Variants in SGCZ observed in about 807,000 individuals in gnomAD.
The protein encoded by SGCZ is zeta-sarcoglycan.
In SGCZ, 40 loss-of-function variants were observed where a neutral mutation model predicts 41.3. The observed-to-expected ratio is 0.97, with a 90% CI of 0.75 to 1.26. The LOEUF (loss-of-function observed/expected upper bound fraction) is 1.26, where lower values mean the gene tolerates loss of function less well. Ranked by LOEUF, SGCZ falls within the 50% of genes most tolerant of loss-of-function variation. SGCZ has a pLI of 0.00. For synonymous variants in SGCZ, 206 were observed against 137.5 expected, an observed-to-expected ratio of 1.50 and a Z score of -3.49; for missense variants, 552 against 369.8, an observed-to-expected ratio of 1.49 and a Z score of -4.04.
chr8:14,628,251 T>A (rs943405657), intron 1 of SGCZ, among the ~76,000 whole-genome samples: 1 of 152,086 alleles, frequency 6.6e-6, no homozygotes, highest in Non-Finnish European at 1.5e-5. Context: ...TGAAAAAGCT[T>A]GAACAAAAAA....
At chr8:14,292,182 C>G (rs12114751) in intron 3 of SGCZ, among the ~76,000 whole-genome samples, 149,226 of 152,046 alleles carry the variant, frequency 0.98, 73,311 homozygotes, top group East Asian at 1. Flanking sequence ...AGATGCAAGA[C>G]ATAAATAACA....
chr8:14,813,435 G>C (rs142969831), intron 1 of SGCZ, among the ~76,000 whole-genome samples: 17 of 152,278 alleles, frequency 1.1e-4, no homozygotes, highest in African/African-American at 4.1e-4. Context: ...ATTATAGCTA[G>C]AAATGCAAAT....
intron 1 of SGCZ, among the ~76,000 whole-genome samples, chr8:14,772,514 C>G (rs532542411): frequency 2.6e-3 from 386 of 151,276 alleles, no homozygotes; most frequent in Non-Finnish European, 4.7e-3. Context: ...TGCCATGCTG[C>G]TGTGCTGCAC....
At chr8:14,818,983 T>C (rs1801988091) in intron 1 of SGCZ, among the ~76,000 whole-genome samples, 1 of 152,034 alleles carries the variant, frequency 6.6e-6, no homozygotes, top group African/African-American at 2.4e-5. Context: ...AGAAAAGTCA[T>C]CTAATGAAAT....
intron 4 of SGCZ, among the ~76,000 whole-genome samples, chr8:14,191,327 A>C (rs1805093208): frequency 6.6e-6 from 1 of 152,116 alleles, no homozygotes; most frequent in South Asian, 2.1e-4. Flanking sequence ...CTGTGTTGAA[A>C]GTTTTTAGTT....
chr8:15,032,482 T>C (rs1803711207), intron 1 of SGCZ, among the ~76,000 whole-genome samples: 1 of 152,038 alleles, frequency 6.6e-6, no homozygotes, highest in Admixed American at 6.5e-5. Flanking sequence ...TAAAATGCAG[T>C]GCCACCCAGG....
At chr8:14,142,012 T>C (rs947814220) in intron 5 of SGCZ, among the ~76,000 whole-genome samples, 2 of 152,198 alleles carry the variant, frequency 1.3e-5, no homozygotes, top group African/African-American at 4.8e-5. Context: ...TTCATGTCCT[T>C]TGTAGGCACA....
chr8:14,154,117 TC>T (rs1474777994), intron 5 of SGCZ, among the ~76,000 whole-genome samples: 2 of 152,056 alleles, frequency 1.3e-5, no homozygotes, highest in Non-Finnish European at 2.9e-5. Flanking sequence ...ATGCCTGTAA[TC>T]CCAGCATTAT....
chr8:14,402,961 T>A (rs1197344206), intron 2 of SGCZ, among the ~76,000 whole-genome samples: 2 of 149,846 alleles, frequency 1.3e-5, no homozygotes, highest in African/African-American at 5.1e-5. Context: ...CTCTTTTATT[T>A]CCTTGAGCAG....
intron 1 of SGCZ, among the ~76,000 whole-genome samples, chr8:15,107,114 T>C (rs1162649667): frequency 6.6e-6 from 1 of 152,204 alleles, no homozygotes; most frequent in Admixed American, 6.5e-5. Context: ...CTAATTAATA[T>C]TTGTATTACT....
intron 4 of SGCZ, among the ~76,000 whole-genome samples, chr8:14,174,084 TATAGA>T (rs1804470184): frequency 6.6e-6 from 1 of 151,958 alleles, no homozygotes; most frequent in African/African-American, 2.4e-5. Context: ...AAACAAAATA[TATAGA>T]ATAAATAGAT....
intron 1 of SGCZ, among the ~76,000 whole-genome samples, chr8:15,189,211 G>A (rs902184143): frequency 2.0e-5 from 3 of 152,140 alleles, no homozygotes; most frequent in Non-Finnish European, 2.9e-5. Context: ...CATTTTAAGA[G>A]TAAACAAATT....
At chr8:15,180,598 G>C (rs1435913163) in intron 1 of SGCZ, among the ~76,000 whole-genome samples, 3 of 151,534 alleles carry the variant, frequency 2.0e-5, no homozygotes, top group Non-Finnish European at 4.4e-5. Context: ...AAAAAACAGA[G>C]GGAAAGGCTG....
chr8:14,503,595 C>A (rs527775729), intron 2 of SGCZ, among the ~76,000 whole-genome samples: 6 of 152,082 alleles, frequency 3.9e-5, no homozygotes, highest in Admixed American at 3.9e-4. Context: ...TGCTAAGTCC[C>A]AATCTCTACT....
At chr8:14,119,684 T>G (rs141458196) in intron 5 of SGCZ, among the ~76,000 whole-genome samples, 1 of 152,178 alleles carries the variant, frequency 6.6e-6, no homozygotes, top group African/African-American at 2.4e-5. Context: ...TTCAGTATGA[T>G]ATTAGCTGTG....
At chr8:14,739,586 A>C (rs1005301200) in intron 1 of SGCZ, among the ~76,000 whole-genome samples, 1 of 152,086 alleles carries the variant, frequency 6.6e-6, no homozygotes, top group Non-Finnish European at 1.5e-5. Context: ...AAAACTGACC[A>C]GTATTACTCA....
intron 1 of SGCZ, among the ~76,000 whole-genome samples, chr8:15,212,602 C>T (rs28450200): frequency 0.77 from 117,364 of 151,978 alleles, 45,564 homozygotes; most frequent in Non-Finnish European, 0.82. Flanking sequence ...AATATGTTAT[C>T]TGTCAATGAT....
chr8:14,482,790 G>A (rs1287762002), intron 2 of SGCZ, among the ~76,000 whole-genome samples: 1 of 151,814 alleles, frequency 6.6e-6, no homozygotes, highest in Non-Finnish European at 1.5e-5. Flanking sequence ...GACTGCACGA[G>A]GGGAGACATT....
intron 1 of SGCZ, among the ~76,000 whole-genome samples, chr8:15,156,050 T>G (rs1370773730): frequency 2.7e-5 from 2 of 74,380 alleles, no homozygotes; most frequent in Non-Finnish European, 5.1e-5. Context: ...AGAGTGAGAT[T>G]CCCTCTCAAA....
Sources: gnomAD v4.1 joint callset for allele counts (sites outside exome capture counted in the v4.1 genomes callset) on GRCh38, gnomAD v4.1.1 for gene constraint, MANE v1.5 for transcripts, NCBI Gene and HGNC (gene_info 2026-07-23, HGNC 2026-07-21) for gene names.